The following FRYL variants were observed in gnomAD, a reference collection of about 807,000 sequenced individuals.
FRYL encodes protein furry homolog-like.
In FRYL, 150 loss-of-function variants were observed where a neutral mutation model predicts 351.2. The observed-to-expected ratio is 0.43, with a 90% CI of 0.37 to 0.49. The LOEUF (loss-of-function observed/expected upper bound fraction) is 0.49, where lower values mean the gene tolerates loss of function less well. Among genes scored for constraint, FRYL ranks in the 20% least tolerant of loss-of-function variants. The pLI is 0.00. For synonymous variants in FRYL, 1,153 were observed against 1,257.1 expected (o/e 0.92, Z 1.75); for missense variants, 3,036 against 3,619.3 (o/e 0.84, Z 4.13).
intron 1 of FRYL, among the ~76,000 whole-genome samples, chr4:48,717,075 G>C (rs577257100): frequency 7.4e-6 from 1 of 134,996 alleles, no homozygotes; most frequent in South Asian, 2.3e-4. Context: ...TGAACAACGA[G>C]AACATATGGA....
chr4:48,606,540 T>C lies in FRYL; in HGVS notation c.639A>G (p.Pro213=). Residue 213 remains proline (P), a synonymous_variant, in exon 10 of 64, where the codon CCA becomes CCG. Transcript: ENST00000358350. ...LKELRQKEQS[P]HVVQSVISLI... ...AGCTGATGACACTTTGTACCACATGTGGGCTTTGTTCCTTTTGTCGCAGTT... is the reference window on the plus strand; with the variant it reads ...AGCTGATGACACTTTGTACCACATGCGGGCTTTGTTCCTTTTGTCGCAGTT... 2.5e-6 allele frequency: 4 copies of C among 1,613,432 alleles called. No homozygotes were observed. The highest frequency in any genetic ancestry group is 2.5e-6 in the Non-Finnish European group (3 of 1,179,490).
chr4:48,663,945 G>A (rs921565798), intron 3 of FRYL, among the ~76,000 whole-genome samples: 5 of 152,178 alleles, frequency 3.3e-5, no homozygotes, highest in African/African-American at 1.2e-4. Context: ...TATACTCACA[G>A]AGGAAACCAG....
chr4:48,520,536 A>C (rs1724681730), intron 55 of FRYL: 1 of 152,254 alleles, frequency 6.6e-6, no homozygotes, highest in African/African-American at 2.4e-5. Context: ...ATTTTTGGTC[A>C]GTCATTAGCT....
intron 16 of FRYL, among the ~76,000 whole-genome samples, chr4:48,592,114 A>ATATATATATATATATATATATATATTTT (rs1272210127): frequency 7.3e-6 from 1 of 136,900 alleles, no homozygotes; most frequent in African/African-American, 2.9e-5. Context: ...ATATATATAT[A>ATATATATATATATATATATATATATTTT]TTTTATCTAA....
chr4:48,693,869 G>A (rs979209806), intron 2 of FRYL, among the ~76,000 whole-genome samples: 1 of 152,106 alleles, frequency 6.6e-6, no homozygotes, highest in African/African-American at 2.4e-5. Flanking sequence ...ATTTGATGAG[G>A]AGTTTTATTA....
rs58696045 is a variant in FRYL at position 48,674,736 on chromosome 4, C to CA, written c.-81+9936dup. 6.0e-3 allele frequency among the ~76,000 whole-genome samples: 335 copies of CA among 55,770 alleles called. 8 individuals are homozygous for CA. The highest frequency in any genetic ancestry group is 0.025 in the African/African-American group (311 of 12,206). The allele number at this position is 55,770 out of a possible 152,430, so 36.6% of individuals were successfully genotyped here. A position where few individuals can be genotyped will look rare whatever the true frequency, so the allele number is the denominator to read the frequency against. Reference sequence around the variant, plus strand: ...AGGGCGACAGAGCAAGACTCTGTCTCAAAAAAAAAAAAAAAAAAAAATAGC... The same window carrying CA: ...AGGGCGACAGAGCAAGACTCTGTCTCAAAAAAAAAAAAAAAAAAAAAATAGC... On this transcript the variant is annotated intron_variant, in intron 3 of 63. Transcript: ENST00000358350.
Position 48,579,007 on chromosome 4 carries a change from T to G in FRYL, c.2494A>C (p.Arg832=). The G allele has an allele frequency of 2.5e-6, 4 of 1,613,152 alleles. No individual in the cohort carries two copies. Among genetic ancestry groups the G allele is most frequent in the Non-Finnish European group, 3.4e-6 (4 of 1,179,632 alleles). The part of the protein sequence containing the change: ...VSYAWMFAYT[R]LQLLSPQVDI... ...ACCTGAGGGGACAACAACTGAAGTC[T>G]TGTGTATGCAAACATCCAAGCATAG... The change falls in exon 23 of 64, where the codon AGA becomes CGA. Residue 832 remains arginine, a synonymous_variant. Transcript: ENST00000358350.
chr4:48,739,843 G>T (rs1300548252), intron 1 of FRYL, among the ~76,000 whole-genome samples: 5 of 152,190 alleles, frequency 3.3e-5, no homozygotes, highest in Non-Finnish European at 4.4e-5. Context: ...TGGATTAATA[G>T]ATAATGTATT....
intron 45 of FRYL, 50 bp downstream of exon 45, chr4:48,541,963 ATAGCTATATGTAGT>A: frequency 9.3e-7 from 1 of 1,078,284 alleles, no homozygotes; most frequent in Non-Finnish European, 1.4e-6. Flanking sequence ...TTTAAAAGTT[ATAGCTATATGTAGT>A]TAGCTATTCA....
intron 2 of FRYL, among the ~76,000 whole-genome samples, chr4:48,685,816 C>T (rs1433402915): frequency 3.3e-5 from 5 of 151,796 alleles, no homozygotes; most frequent in Admixed American, 6.6e-5. Context: ...TGCAGTGGCA[C>T]GATCTCAGCT....
At chr4:48,630,723 T>C (rs1353109117) in intron 4 of FRYL, among the ~76,000 whole-genome samples, 3 of 152,222 alleles carry the variant, frequency 2.0e-5, no homozygotes, top group Admixed American at 2.0e-4. Flanking sequence ...TTTGGCTTCC[T>C]TAATCTTCTT....
chr4:48,611,198 G>A (rs377634725), intron 7 of FRYL, among the ~76,000 whole-genome samples: 6 of 151,612 alleles, frequency 4.0e-5, no homozygotes, highest in African/African-American at 7.3e-5. Flanking sequence ...ACATCCTCCC[G>A]TACACTTTAA....
intron 5 of FRYL, among the ~76,000 whole-genome samples, chr4:48,622,427 G>A (rs1750847912): frequency 6.6e-6 from 1 of 152,046 alleles, no homozygotes. Context: ...TACATACAGG[G>A]GCCAGAGCAC....
At chr4:48,689,947 A>T (rs1392863025) in intron 2 of FRYL, among the ~76,000 whole-genome samples, 1 of 137,472 alleles carries the variant, frequency 7.3e-6, no homozygotes, top group Admixed American at 7.9e-5. Flanking sequence ...TCCAGGCTGG[A>T]GTGCAGTGGC....
intron 50 of FRYL, among the ~76,000 whole-genome samples, chr4:48,530,840 C>T (rs1195727403): frequency 6.6e-6 from 1 of 152,160 alleles, no homozygotes; most frequent in Non-Finnish European, 1.5e-5. Flanking sequence ...TAGATAGATG[C>T]TACATACTCC....
At chr4:48,760,534 T>C (rs1159069555) in intron 1 of FRYL, among the ~76,000 whole-genome samples, 5 of 151,990 alleles carry the variant, frequency 3.3e-5, no homozygotes, top group Admixed American at 6.6e-5. Flanking sequence ...TGTTTTTTTG[T>C]TTGTTTGTTT....
At chr4:48,560,317 T>A (rs1735182928) in intron 33 of FRYL, among the ~76,000 whole-genome samples, 2 of 152,180 alleles carry the variant, frequency 1.3e-5, no homozygotes, top group African/African-American at 2.4e-5. Context: ...AAAATGTAGG[T>A]TAGCTATGGA....
intron 44 of FRYL, among the ~76,000 whole-genome samples, chr4:48,543,343 A>G (rs1730646474): frequency 6.6e-6 from 1 of 152,200 alleles, no homozygotes; most frequent in African/African-American, 2.4e-5. Flanking sequence ...CCTCAATAGA[A>G]TATGAGCTCT....
chr4:48,540,501 G>T lies in FRYL; in HGVS notation c.6147C>A (p.Ser2049Arg), dbSNP rs765684970. 4 of 1,613,922 alleles carry T rather than the reference G, an allele frequency of 2.5e-6. No homozygotes were observed. Among genetic ancestry groups the T allele is most frequent in the Non-Finnish European group, 3.4e-6 (4 of 1,179,944 alleles). Residue 2049 changes from serine (S) to arginine (R), a missense_variant, in exon 46 of 64, where the codon AGC becomes AGA. Around this residue, in one of 7 missense-constraint regions of FRYL, gnomAD observed 1,987 missense variants for 2,311.7 expected, o/e 0.86. Coordinates refer to ENST00000358350, the MANE Select transcript of FRYL (RefSeq NM_015030.2). The part of the protein sequence containing the change: ...ESREKIENVQ[S>R]KLKWTNFPGL... ...CTGGAAAATTAGTCCATTTCAATTT[G>T]CTTTGTACATTTTCAATCTTCTCTC...
Sources: gnomAD v4.1 joint callset for allele counts (sites outside exome capture counted in the v4.1 genomes callset) on GRCh38, gnomAD v4.1.1 for gene constraint, gnomAD v4.1.1 regional missense constraint, MANE v1.5 for transcripts, NCBI Gene and HGNC (gene_info 2026-07-23, HGNC 2026-07-21) for gene names.